Variants in CDK6 observed in about 807,000 individuals in gnomAD.
CDK6 encodes the protein cyclin dependent kinase 6, also known as cyclin-dependent kinase 6.
In CDK6, 6 loss-of-function variants were observed where a neutral mutation model predicts 37.1. The observed-to-expected ratio is 0.16, with a 90% CI of 0.09 to 0.32. The LOEUF is 0.32. Ranked by LOEUF, CDK6 falls within the 10% of genes least tolerant of loss-of-function variation. The pLI, the probability that CDK6 is intolerant of heterozygous loss-of-function variation, is 1.00. For missense variants in CDK6, 224 were observed against 418.9 expected (o/e 0.53, Z 4.06); for synonymous variants, 160 against 161.3 (o/e 0.99, Z 0.06).
intron 5 of CDK6, among the ~76,000 whole-genome samples, chr7:92,628,328 C>T (rs1795976552): frequency 6.6e-6 from 1 of 151,918 alleles, no homozygotes; most frequent in Non-Finnish European, 1.5e-5. Flanking sequence ...CCATACACTG[C>T]ACATATATGA....
At chr7:92,765,348 A>G (rs1333174779) in intron 3 of CDK6, among the ~76,000 whole-genome samples, 1 of 152,114 alleles carries the variant, frequency 6.6e-6, no homozygotes, top group Non-Finnish European at 1.5e-5. Context: ...TACTATTTTA[A>G]GGAGAATATA....
At chr7:92,791,952 T>C (rs932887930) in intron 2 of CDK6, among the ~76,000 whole-genome samples, 7 of 152,040 alleles carry the variant, frequency 4.6e-5, no homozygotes, top group African/African-American at 1.7e-4. Flanking sequence ...GGCTAAGAAG[T>C]CTGGAAATTA....
At chr7:92,746,592 CACAA>C (rs1584045190) in intron 3 of CDK6, among the ~76,000 whole-genome samples, 1 of 152,078 alleles carries the variant, frequency 6.6e-6, no homozygotes, top group East Asian at 1.9e-4. Context: ...ATTATATATA[CACAA>C]ATATTCCAAA....
At chr7:92,639,041 C>G (rs1400785629) in intron 5 of CDK6, among the ~76,000 whole-genome samples, 4 of 152,096 alleles carry the variant, frequency 2.6e-5, no homozygotes, top group Non-Finnish European at 5.9e-5. Flanking sequence ...CTGATGTTAT[C>G]CTGGGACTTA....
At chr7:92,798,874 T>A (rs930598125) in intron 2 of CDK6, among the ~76,000 whole-genome samples, 1 of 152,184 alleles carries the variant, frequency 6.6e-6, no homozygotes, top group Non-Finnish European at 1.5e-5. Flanking sequence ...GCTATTGTCT[T>A]CTTCTATATG....
At chr7:92,727,442 G>C (rs1281121490) in intron 3 of CDK6, among the ~76,000 whole-genome samples, 1 of 152,168 alleles carries the variant, frequency 6.6e-6, no homozygotes, top group Non-Finnish European at 1.5e-5. Flanking sequence ...TTTATAAAGT[G>C]GAGAAAGTAG....
intron 2 of CDK6, among the ~76,000 whole-genome samples, chr7:92,809,375 A>G (rs1800815101): frequency 6.6e-6 from 1 of 152,208 alleles, no homozygotes; most frequent in Non-Finnish European, 1.5e-5. Context: ...GACAACGACA[A>G]TCTGGTTTCA....
intron 5 of CDK6, among the ~76,000 whole-genome samples, chr7:92,626,278 T>TA (rs1448315901): frequency 3.4e-4 from 51 of 152,212 alleles, no homozygotes; most frequent in Non-Finnish European, 4.9e-4. Context: ...AATATACATA[T>TA]AATGTAAGTC....
intron 2 of CDK6, among the ~76,000 whole-genome samples, chr7:92,814,166 G>A (rs966407207): frequency 2.6e-5 from 4 of 152,160 alleles, no homozygotes; most frequent in Non-Finnish European, 5.9e-5. Flanking sequence ...TATATCAGCT[G>A]TTGGTTTCAG....
intron 3 of CDK6, among the ~76,000 whole-genome samples, chr7:92,727,519 T>C (rs757641240): frequency 6.6e-6 from 1 of 152,228 alleles, no homozygotes; most frequent in Non-Finnish European, 1.5e-5. Flanking sequence ...GTACAGTTTC[T>C]GGCATATGGT....
intron 3 of CDK6, among the ~76,000 whole-genome samples, chr7:92,764,572 C>A (rs1799533684): frequency 1.3e-5 from 2 of 152,176 alleles, no homozygotes; most frequent in Admixed American, 1.3e-4. Flanking sequence ...ACTTGATTTA[C>A]CGTAAGAATC....
intron 2 of CDK6, among the ~76,000 whole-genome samples, chr7:92,782,771 C>A (rs1177209090): frequency 1.3e-5 from 2 of 152,164 alleles, no homozygotes; most frequent in Non-Finnish European, 2.9e-5. Context: ...TTTTGCTTAT[C>A]CAGCTTGAGT....
chr7:92,612,527 C>T lies in CDK6; in HGVS notation c.*2613G>A, dbSNP rs191315649. On this transcript the variant is annotated 3_prime_UTR_variant, in exon 8 of 8. Coordinates refer to ENST00000424848, the MANE Select transcript of CDK6 (RefSeq NM_001145306.2). ...ATTCACTCAAATGCAACAACTACAC[C>T]GATGGAAGAACTGGGGACAGATTTT... 6.4e-5 allele frequency: 15 copies of T among 233,040 alleles called. No homozygotes were observed. The highest frequency in any genetic ancestry group is 1.2e-4 in the East Asian group (2 of 16,538). The allele number at this position is 233,040 out of a possible 1,614,324, so 14.4% of individuals were successfully genotyped here. A position where few individuals can be genotyped will look rare whatever the true frequency, so the allele number is the denominator to read the frequency against.
At chr7:92,705,422 G>T (rs1797944263) in intron 4 of CDK6, among the ~76,000 whole-genome samples, 1 of 152,176 alleles carries the variant, frequency 6.6e-6, no homozygotes, top group South Asian at 2.1e-4. Flanking sequence ...CCATGCTAAG[G>T]CATGCTTAGC....
At chr7:92,716,858 C>G (rs777623021) in intron 4 of CDK6, among the ~76,000 whole-genome samples, 1 of 152,144 alleles carries the variant, frequency 6.6e-6, no homozygotes, top group Non-Finnish European at 1.5e-5. Flanking sequence ...CCTAAACTAG[C>G]ACAGAGGCAT....
intron 4 of CDK6, among the ~76,000 whole-genome samples, chr7:92,680,447 A>G (rs1299764246): frequency 3.3e-5 from 5 of 150,666 alleles, no homozygotes; most frequent in Non-Finnish European, 7.4e-5. Flanking sequence ...AAAAAAAAAA[A>G]AAAAAAAAAA....
At chr7:92,680,435 G>GACA (rs1554402408) in intron 4 of CDK6, among the ~76,000 whole-genome samples, 2 of 27,934 alleles carry the variant, frequency 7.2e-5, no homozygotes, top group African/African-American at 1.2e-4. Context: ...TTCCATCTCA[G>GACA]AAAAAAAAAA....
intron 2 of CDK6, among the ~76,000 whole-genome samples, chr7:92,790,198 T>A (rs1400503521): frequency 6.6e-6 from 1 of 152,114 alleles, no homozygotes. Context: ...CACACCCCCA[T>A]CCAAATAATT....
intron 2 of CDK6, among the ~76,000 whole-genome samples, chr7:92,805,593 A>G (rs1800703654): frequency 6.6e-6 from 1 of 152,154 alleles, no homozygotes; most frequent in African/African-American, 2.4e-5. Flanking sequence ...AAAAACTACC[A>G]TGAAGTCTTG....
Sources: gnomAD v4.1 joint callset for allele counts (sites outside exome capture counted in the v4.1 genomes callset) on GRCh38, gnomAD v4.1.1 for gene constraint, MANE v1.5 for transcripts, NCBI Gene and HGNC (gene_info 2026-07-23, HGNC 2026-07-21) for gene names.